YTHDF2: variants seen among roughly 807,000 people sequenced by gnomAD.
YTHDF2 encodes YTH domain-containing family protein 2.
Under a neutral mutation model 50.4 loss-of-function variants are expected in YTHDF2, and 2 were observed. That is an observed-to-expected ratio of 0.04 (90% CI 0.02 to 0.12). The LOEUF (loss-of-function observed/expected upper bound fraction) is 0.12, where lower values mean the gene tolerates loss of function less well. Ranked by LOEUF, YTHDF2 falls within the 10% of genes least tolerant of loss-of-function variation. The pLI is 1.00. For missense variants in YTHDF2, 483 were observed against 722.6 expected, an observed-to-expected ratio of 0.67 and a Z score of 3.80; for synonymous variants, 217 against 255.6, an observed-to-expected ratio of 0.85 and a Z score of 1.44.
intron 4 of YTHDF2, among the ~76,000 whole-genome samples, chr1:28,754,842 GCCTATAGT>G (rs2088012121): frequency 6.6e-6 from 1 of 151,492 alleles, no homozygotes; most frequent in African/African-American, 2.4e-5. Context: ...GGTGGTGTGT[GCCTATAGT>G]CCTATAGTCC....
chr1:28,753,860 C>T (rs764353422), intron 4 of YTHDF2, among the ~76,000 whole-genome samples: 2 of 151,922 alleles, frequency 1.3e-5, no homozygotes, highest in Non-Finnish European at 2.9e-5. Flanking sequence ...GTGCCTGTCA[C>T]CACGCCCAGC....
At chr1:28,763,716 A>G (rs1034023010) in intron 4 of YTHDF2, among the ~76,000 whole-genome samples, 3 of 150,962 alleles carry the variant, frequency 2.0e-5, no homozygotes, top group Non-Finnish European at 4.4e-5. Flanking sequence ...CAGCCTCCCA[A>G]AGTGCTGGGA....
intron 1 of YTHDF2, 65 bp downstream of exon 1, chr1:28,737,212 GC>G: frequency 6.7e-7 from 1 of 1,489,634 alleles, no homozygotes; most frequent in Non-Finnish European, 8.9e-7. Context: ...CTAGGCCCGG[GC>G]CCGCCGCTCC....
At chr1:28,760,431 A>T (rs1166563475) in intron 4 of YTHDF2, among the ~76,000 whole-genome samples, 1 of 151,952 alleles carries the variant, frequency 6.6e-6, no homozygotes, top group East Asian at 1.9e-4. Flanking sequence ...AGTAGCTGGG[A>T]CTACAGGCGC....
chr1:28,753,998 C>T (rs559476158), intron 4 of YTHDF2, among the ~76,000 whole-genome samples: 3 of 152,186 alleles, frequency 2.0e-5, no homozygotes, highest in East Asian at 1.9e-4. Flanking sequence ...TGAGCCACTG[C>T]GCTCGGCCTA....
chr1:28,746,889 C>T (rs2087871219), intron 4 of YTHDF2, among the ~76,000 whole-genome samples: 1 of 151,988 alleles, frequency 6.6e-6, no homozygotes, highest in African/African-American at 2.4e-5. Flanking sequence ...TGAGACCAGC[C>T]TGATCAACAT....
At chr1:28,744,111 G>A in intron 4 of YTHDF2, 125 bp downstream of exon 4, 4 of 1,049,878 alleles carry the variant, frequency 3.8e-6, no homozygotes, top group African/African-American at 1.6e-5. Context: ...AACAGTTCAA[G>A]GCTTTATAGA....
intron 4 of YTHDF2, among the ~76,000 whole-genome samples, chr1:28,762,755 T>C (rs970438542): frequency 2.0e-4 from 31 of 152,334 alleles, no homozygotes; most frequent in African/African-American, 7.5e-4. Flanking sequence ...AGAGATTGCA[T>C]ATGTGCAGAC....
chr1:28,737,175 C>T (rs771903623), intron 1 of YTHDF2, 28 bp downstream of exon 1: 2 of 1,565,228 alleles, frequency 1.3e-6, no homozygotes, highest in East Asian at 4.8e-5. Context: ...ATGCCTCGGC[C>T]ATTGTGTGAG....
chr1:28,738,321 A>G lies in YTHDF2; in HGVS notation c.115A>G (p.Ser39Gly), dbSNP rs757027052. The change falls in exon 3 of 5, where the codon AGT becomes GGT. Residue 39 changes from serine (S) to glycine (G), a missense_variant. Physicochemically the swap from Ser to Gly is moderately conservative, Grantham distance 56. Coordinates refer to ENST00000373812, the MANE Select transcript of YTHDF2 (RefSeq NM_016258.3). The stretch of plus-strand genomic sequence containing the variant: ...CGATGATGATTTTGAACCTTACTTG[A>G]GTCCACAGGCAAGGCCCGTGAGTAG... The part of the protein sequence containing the change: ...LNDDDFEPYL[S>G]PQARPNNAYT... The G allele has an allele frequency of 6.2e-7, 1 of 1,614,094 alleles. No homozygotes were observed. Among genetic ancestry groups the G allele is most frequent in the South Asian group, 1.1e-5 (1 of 91,086 alleles).
At chr1:28,756,634 T>C (rs79199824) in intron 4 of YTHDF2, among the ~76,000 whole-genome samples, 9 of 152,146 alleles carry the variant, frequency 5.9e-5, no homozygotes, top group Non-Finnish European at 1.2e-4. Flanking sequence ...GAAGATGAGG[T>C]AGAGGGATCT....
At chr1:28,750,607 C>G (rs1044698252) in intron 4 of YTHDF2, among the ~76,000 whole-genome samples, 1 of 152,132 alleles carries the variant, frequency 6.6e-6, no homozygotes, top group Admixed American at 6.6e-5. Flanking sequence ...TTCATAATTT[C>G]TGACCGAAGT....
intron 4 of YTHDF2, among the ~76,000 whole-genome samples, chr1:28,748,704 A>G (rs899334562): frequency 1.3e-5 from 2 of 152,176 alleles, no homozygotes; most frequent in Admixed American, 1.3e-4. Context: ...AAAGCAATAT[A>G]CTGTGCTTTA....
intron 3 of YTHDF2, among the ~76,000 whole-genome samples, chr1:28,741,595 T>A (rs1488887224): frequency 6.6e-6 from 1 of 152,176 alleles, no homozygotes; most frequent in Non-Finnish European, 1.5e-5. Context: ...CGCCTGGCCA[T>A]ATTTCTCATT....
intron 4 of YTHDF2, among the ~76,000 whole-genome samples, chr1:28,757,909 G>A (rs1342121813): frequency 2.0e-5 from 3 of 151,914 alleles, no homozygotes; most frequent in African/African-American, 7.3e-5. Flanking sequence ...GGCATTTGCT[G>A]GATATCTATA....
intron 2 of YTHDF2, 132 bp from the exon 3 acceptor site, chr1:28,738,127 C>G (rs541385086): frequency 2.6e-5 from 18 of 695,782 alleles, no homozygotes; most frequent in Admixed American, 5.2e-5. Flanking sequence ...ACTGTCATCT[C>G]TTACCCTTTT....
chr1:28,755,676 A>G (rs1319739145), intron 4 of YTHDF2, among the ~76,000 whole-genome samples: 1 of 152,134 alleles, frequency 6.6e-6, no homozygotes, highest in Non-Finnish European at 1.5e-5. Flanking sequence ...TTGAGAGAGA[A>G]TAGTTTGAGT....
Position 28,761,131 on chromosome 1 carries a change from A to ATTTTTT in YTHDF2, c.1717-7782_1717-7777dup, listed in dbSNP as rs56876999. Among the ~76,000 whole-genome samples, 208 of 91,364 alleles carry ATTTTTT rather than the reference A, an allele frequency of 2.3e-3. 5 individuals carry two copies. Among genetic ancestry groups the ATTTTTT allele is most frequent in the Middle Eastern group, 0.01 (1 of 100 alleles). The allele number at this position is 91,364 out of a possible 152,430, so 59.9% of individuals were successfully genotyped here. A position where few individuals can be genotyped will look rare whatever the true frequency, so the allele number is the denominator to read the frequency against. ...AGTGTGTGTGTGTGTGTGTGTGTGT[A>ATTTTTT]TTTTTTTTTTTTTTTTTTTTTGAGA... On this transcript the variant is annotated intron_variant, in intron 4 of 4. Coordinates refer to ENST00000373812, the MANE Select transcript of YTHDF2 (RefSeq NM_016258.3).
intron 4 of YTHDF2, among the ~76,000 whole-genome samples, chr1:28,751,620 C>T (rs557447236): frequency 1.3e-3 from 191 of 152,246 alleles, no homozygotes; most frequent in African/African-American, 4.3e-3. Flanking sequence ...TAAAGGAGGA[C>T]TAGAAGAGAA....
Sources: gnomAD v4.1 joint callset for allele counts (sites outside exome capture counted in the v4.1 genomes callset) on GRCh38, gnomAD v4.1.1 for gene constraint, MANE v1.5 for transcripts, NCBI Gene and HGNC (gene_info 2026-07-23, HGNC 2026-07-21) for gene names.